PIP5K1B: variants seen among roughly 807,000 people sequenced by gnomAD.
PIP5K1B encodes the protein phosphatidylinositol-4-phosphate 5-kinase type 1 beta, also known as phosphatidylinositol 4-phosphate 5-kinase type-1 beta.
In PIP5K1B, 42 loss-of-function variants were observed where a neutral mutation model predicts 67.0. The observed-to-expected ratio is 0.63, with a 90% CI of 0.49 to 0.81. PIP5K1B has a LOEUF of 0.81. PIP5K1B is among the 30% of genes least tolerant of loss of function. The pLI is 0.00. For missense variants in PIP5K1B, 459 were observed against 646.3 expected, an observed-to-expected ratio of 0.71 and a Z score of 3.14; for synonymous variants, 214 against 231.4, an observed-to-expected ratio of 0.92 and a Z score of 0.68.
chr9:68,773,500 C>A (rs1285646639), intron 2 of PIP5K1B, among the ~76,000 whole-genome samples: 1 of 152,134 alleles, frequency 6.6e-6, no homozygotes, highest in Non-Finnish European at 1.5e-5. Context: ...TTAATATCTT[C>A]CTTTATAGTC....
At chr9:68,899,922 C>T (rs926945765) in intron 8 of PIP5K1B, among the ~76,000 whole-genome samples, 1 of 152,184 alleles carries the variant, frequency 6.6e-6, no homozygotes, top group Non-Finnish European at 1.5e-5. Flanking sequence ...TCCTCCCGCC[C>T]TCCACCCTCA....
At chr9:68,920,784 T>TCTCTCTCTCTCTCACACATA (rs879785029) in intron 11 of PIP5K1B, among the ~76,000 whole-genome samples, 4 of 142,228 alleles carry the variant, frequency 2.8e-5, no homozygotes, top group Admixed American at 1.4e-4. Context: ...TCTCTCTCTC[T>TCTCTCTCTCTCTCACACATA]CACACACATA....
intron 7 of PIP5K1B, among the ~76,000 whole-genome samples, chr9:68,893,159 T>C (rs1824885897): frequency 6.6e-6 from 1 of 152,106 alleles, no homozygotes; most frequent in Admixed American, 6.6e-5. Context: ...ACCTTGAATA[T>C]TTCTGGAATG....
intron 12 of PIP5K1B, among the ~76,000 whole-genome samples, chr9:68,932,262 G>T (rs2132592403): frequency 6.6e-6 from 1 of 152,228 alleles, no homozygotes; most frequent in African/African-American, 2.4e-5. Context: ...ATTGACCTAA[G>T]AACTATGATG....
chr9:68,930,893 G>T (rs1337108005), intron 12 of PIP5K1B, among the ~76,000 whole-genome samples: 1 of 152,046 alleles, frequency 6.6e-6, no homozygotes, highest in East Asian at 1.9e-4. Context: ...ATAATGCAAT[G>T]AATGAATGGA....
chr9:68,998,523 A>AGAGAAAGCCAG (rs1830688892), intron 15 of PIP5K1B, among the ~76,000 whole-genome samples: 1 of 151,284 alleles, frequency 6.6e-6, no homozygotes, highest in East Asian at 1.9e-4. Context: ...TGTGGTTTCT[A>AGAGAAAGCCAG]TTTTTGTCTT....
At chr9:68,996,702 C>T (rs927032385) in intron 15 of PIP5K1B, among the ~76,000 whole-genome samples, 6 of 152,088 alleles carry the variant, frequency 3.9e-5, no homozygotes, top group South Asian at 2.1e-4. Flanking sequence ...ATTTGGTTTT[C>T]GTGGAAAGAG....
In PIP5K1B at chr9:68,754,175, C is replaced by CTTTTTT. The variant is rs71353081; in HGVS notation, c.-86+11525_-86+11530dup. Among the ~76,000 whole-genome samples, 40 of 101,074 alleles carry CTTTTTT rather than the reference C, an allele frequency of 4.0e-4. 7 individuals carry two copies. The highest frequency in any genetic ancestry group is 6.8e-4 in the East Asian group (2 of 2,934). The allele number at this position is 101,074 out of a possible 152,430, so 66.3% of individuals were successfully genotyped here. The stretch of plus-strand genomic sequence containing the variant: ...AGTCTTCTTTTATGTTCCATGATTT[C>CTTTTTT]TTTTTTTTTTTTGAGACAGAGTCTC... On this transcript the variant is annotated intron_variant, in intron 2 of 15. Coordinates refer to ENST00000265382, the MANE Select transcript of PIP5K1B (RefSeq NM_003558.4).
intron 4 of PIP5K1B, among the ~76,000 whole-genome samples, chr9:68,839,932 T>C (rs1821830216): frequency 6.6e-6 from 1 of 152,230 alleles, no homozygotes; most frequent in Non-Finnish European, 1.5e-5. Context: ...ATTCAACAAA[T>C]TGTCCTCTAG....
chr9:68,892,231 G>A (rs1024419391), intron 7 of PIP5K1B, among the ~76,000 whole-genome samples: 11 of 152,176 alleles, frequency 7.2e-5, no homozygotes, highest in African/African-American at 2.7e-4. Context: ...GCTTGACAAA[G>A]CCAATTTCTT....
At chr9:68,756,169 T>G (rs1829914801) in intron 2 of PIP5K1B, among the ~76,000 whole-genome samples, 1 of 152,226 alleles carries the variant, frequency 6.6e-6, no homozygotes. Flanking sequence ...TATGTAAATA[T>G]TTTTTAAGAC....
intron 1 of PIP5K1B, among the ~76,000 whole-genome samples, chr9:68,729,290 T>G (rs1408664672): frequency 6.6e-6 from 1 of 152,178 alleles, no homozygotes; most frequent in Admixed American, 6.5e-5. Context: ...TATAAGAACT[T>G]TTCAAATTCT....
In PIP5K1B at chr9:68,705,577, C is replaced by A; in HGVS notation, c.-428C>A. 6.6e-6 allele frequency: 1 copy of A among 150,832 alleles called. No homozygotes were observed. The highest frequency in any genetic ancestry group is 1.8e-4 in the South Asian group (1 of 5,584). The allele number at this position is 150,832 out of a possible 1,614,324, so 9.3% of individuals were successfully genotyped here. A position where few individuals can be genotyped will look rare whatever the true frequency, so the allele number is the denominator to read the frequency against. On this transcript the variant is annotated 5_prime_UTR_variant, in exon 1 of 16. Coordinates refer to ENST00000265382, the MANE Select transcript of PIP5K1B (RefSeq NM_003558.4). Reference sequence around the variant, plus strand: ...GCTCCAGCCCCGGCACCTGCCCGCCCTCAGCGTTGCCCCCGGCCCCGGCCC... The same window carrying A: ...GCTCCAGCCCCGGCACCTGCCCGCCATCAGCGTTGCCCCCGGCCCCGGCCC...
intron 2 of PIP5K1B, chr9:68,782,527 A>G (rs1831352230): frequency 1.2e-5 from 2 of 167,118 alleles, no homozygotes; most frequent in African/African-American, 4.8e-5. Context: ...GAACAAGACA[A>G]AAGCTCTGAC....
At chr9:68,999,514 G>A (rs1278250143) in intron 15 of PIP5K1B, among the ~76,000 whole-genome samples, 1 of 152,208 alleles carries the variant, frequency 6.6e-6, no homozygotes, top group African/African-American at 2.4e-5. Flanking sequence ...TCACCTGTTG[G>A]GGACATAATT....
intron 14 of PIP5K1B, among the ~76,000 whole-genome samples, chr9:68,941,391 A>G (rs1200422779): frequency 6.6e-6 from 1 of 152,178 alleles, no homozygotes; most frequent in Non-Finnish European, 1.5e-5. Flanking sequence ...AGAATCAGAG[A>G]AGGAGACACA....
chr9:68,801,020 G>A (rs1246009058), intron 2 of PIP5K1B, among the ~76,000 whole-genome samples: 1 of 152,116 alleles, frequency 6.6e-6, no homozygotes, highest in East Asian at 1.9e-4. Flanking sequence ...CCATTCCTAG[G>A]GCTCTCAGGC....
At chr9:68,906,546 G>A (rs1825622794) in intron 8 of PIP5K1B, among the ~76,000 whole-genome samples, 1 of 152,198 alleles carries the variant, frequency 6.6e-6, no homozygotes, top group African/African-American at 2.4e-5. Context: ...CATCAGAAAT[G>A]TGTTTTAAAA....
At chr9:68,835,118 G>C (rs1224510948) in intron 4 of PIP5K1B, among the ~76,000 whole-genome samples, 1 of 152,218 alleles carries the variant, frequency 6.6e-6, no homozygotes. Context: ...AAAGAAACAA[G>C]ATCAATGATT....
Sources: allele counts gnomAD v4.1 joint callset (sites outside exome capture counted in the v4.1 genomes callset), GRCh38; gene constraint gnomAD v4.1.1; transcripts MANE v1.5; gene names NCBI Gene and HGNC (gene_info 2026-07-23, HGNC 2026-07-21).